PTPRD: variants seen among roughly 807,000 people sequenced by gnomAD.
The protein encoded by PTPRD is protein tyrosine phosphatase receptor type D, also known as receptor-type tyrosine-protein phosphatase delta.
In PTPRD, 34 loss-of-function variants were observed where a neutral mutation model predicts 214.5. The ratio of observed to expected loss-of-function variants is 0.16; its 90% CI spans 0.12 to 0.21. PTPRD has a LOEUF of 0.21. Among genes scored for constraint, PTPRD ranks in the 10% least tolerant of loss-of-function variants. PTPRD has a pLI of 1.00. For synonymous variants in PTPRD, 1,128 were observed against 845.7 expected (o/e 1.33, Z -5.79); for missense variants, 2,545 against 2,398.7 (o/e 1.06, Z -1.27).
At chr9:10,167,343 A>G (rs947247952) in intron 3 of PTPRD, among the ~76,000 whole-genome samples, 1 of 152,132 alleles carries the variant, frequency 6.6e-6, no homozygotes, top group Admixed American at 6.6e-5. Flanking sequence ...ATAAATTATC[A>G]GTAGGTTAAA....
At chr9:10,106,385 C>G (rs1300554591) in intron 3 of PTPRD, among the ~76,000 whole-genome samples, 1 of 151,698 alleles carries the variant, frequency 6.6e-6, no homozygotes, top group African/African-American at 2.4e-5. Context: ...TTATAGTGTA[C>G]CTACTGTATA....
chr9:8,331,806 A>C (rs2131667877), intron 43 of PTPRD, 70 bp from the exon 44 acceptor site: 3 of 1,478,414 alleles, frequency 2.0e-6, no homozygotes, highest in Non-Finnish European at 2.7e-6. Context: ...CATACGGACC[A>C]CAAGAACAAT....
intron 5 of PTPRD, among the ~76,000 whole-genome samples, chr9:9,775,972 A>AAAAAAAAAAAAAAC (rs2098795524): frequency 6.6e-6 from 1 of 150,958 alleles, no homozygotes; most frequent in Non-Finnish European, 1.5e-5. Context: ...AAAAAAAAAA[A>AAAAAAAAAAAAAAC]AAAAAAAGCA....
intron 4 of PTPRD, among the ~76,000 whole-genome samples, chr9:10,012,714 T>A (rs1014725034): frequency 4.7e-4 from 72 of 151,888 alleles, no homozygotes; most frequent in Admixed American, 4.7e-3. Context: ...CAATGCTCAA[T>A]ATTTGGGTCA....
intron 3 of PTPRD, among the ~76,000 whole-genome samples, chr9:10,162,699 A>T (rs1044518212): frequency 6.1e-5 from 9 of 147,230 alleles, no homozygotes; most frequent in Admixed American, 2.7e-4. Flanking sequence ...GTATATATAT[A>T]CATATACACG....
intron 2 of PTPRD, among the ~76,000 whole-genome samples, chr9:10,398,803 C>T (rs2154494669): frequency 6.6e-6 from 1 of 151,958 alleles, no homozygotes; most frequent in Admixed American, 6.6e-5. Context: ...ATAATTATTA[C>T]AACAATTCTA....
chr9:9,755,213 CAGG>C (rs2098556778), intron 6 of PTPRD, among the ~76,000 whole-genome samples: 1 of 151,914 alleles, frequency 6.6e-6, no homozygotes, highest in African/African-American at 2.4e-5. Context: ...TGCAGAAGAT[CAGG>C]AGAAGGAAAT....
At chr9:9,118,989 C>T (rs888495156) in intron 10 of PTPRD, among the ~76,000 whole-genome samples, 4 of 152,052 alleles carry the variant, frequency 2.6e-5, no homozygotes, top group African/African-American at 9.7e-5. Flanking sequence ...CATTATTCAC[C>T]TAAAAATATA....
chr9:9,347,775 G>GTA (rs2049432564), intron 9 of PTPRD, among the ~76,000 whole-genome samples: 1 of 152,158 alleles, frequency 6.6e-6, no homozygotes, highest in Admixed American at 6.6e-5. Context: ...GAAGCAAAGT[G>GTA]TAAGCAGTGT....
chr9:9,960,160 G>T, intron 4 of PTPRD, among the ~76,000 whole-genome samples: 1 of 149,352 alleles, frequency 6.7e-6, no homozygotes, highest in East Asian at 2.0e-4. Context: ...CAGAATGCAA[G>T]GACATATTCA....
chr9:10,244,732 A>G (rs2091785620), intron 3 of PTPRD, among the ~76,000 whole-genome samples: 1 of 152,172 alleles, frequency 6.6e-6, no homozygotes. Flanking sequence ...AAGTTCAAAC[A>G]ATATTTAAAA....
intron 23 of PTPRD, among the ~76,000 whole-genome samples, chr9:8,502,979 T>C (rs888935139): frequency 2.0e-5 from 3 of 151,944 alleles, no homozygotes; most frequent in Non-Finnish European, 4.4e-5. Flanking sequence ...TCTTCTACAA[T>C]ACTATTTATT....
chr9:9,809,826 T>C (rs1338116166), intron 5 of PTPRD, among the ~76,000 whole-genome samples: 1 of 152,206 alleles, frequency 6.6e-6, no homozygotes, highest in African/African-American at 2.4e-5. Context: ...GTGACTTTGA[T>C]ACTGGATATA....
At chr9:8,958,049 C>A (rs912655938) in intron 11 of PTPRD, among the ~76,000 whole-genome samples, 1 of 151,872 alleles carries the variant, frequency 6.6e-6, no homozygotes, top group Admixed American at 6.6e-5. Flanking sequence ...TAATGCTAAT[C>A]ATTTGTTCTG....
At chr9:9,072,532 A>T (rs2099745251) in intron 10 of PTPRD, among the ~76,000 whole-genome samples, 1 of 152,164 alleles carries the variant, frequency 6.6e-6, no homozygotes, top group Non-Finnish European at 1.5e-5. Context: ...AGTGAACTAG[A>T]AATGTACAAG....
At chr9:8,826,413 C>T (rs138898217) in intron 11 of PTPRD, among the ~76,000 whole-genome samples, 8 of 152,258 alleles carry the variant, frequency 5.3e-5, no homozygotes, top group African/African-American at 1.9e-4. Context: ...AGCCATCAGA[C>T]CTCCTGACCA....
intron 8 of PTPRD, among the ~76,000 whole-genome samples, chr9:9,534,355 A>C (rs187791101): frequency 1.4e-4 from 22 of 152,192 alleles, no homozygotes; most frequent in Admixed American, 1.2e-3. Context: ...AATTACCTCC[A>C]TGGCAGCATT....
intron 10 of PTPRD, among the ~76,000 whole-genome samples, chr9:9,100,438 T>C (rs972817944): frequency 6.6e-5 from 10 of 152,144 alleles, no homozygotes; most frequent in Admixed American, 5.2e-4. Flanking sequence ...TTGATTCAAA[T>C]GCTACTGTTT....
intron 12 of PTPRD, among the ~76,000 whole-genome samples, chr9:8,665,798 A>G (rs571880605): frequency 1.4e-4 from 22 of 152,332 alleles, no homozygotes; most frequent in African/African-American, 3.8e-4. Context: ...CAGTTCTTTT[A>G]AAAATTCAAT....
Sources: gnomAD v4.1 joint callset for allele counts (sites outside exome capture counted in the v4.1 genomes callset) on GRCh38, gnomAD v4.1.1 for gene constraint, MANE v1.5 for transcripts, NCBI Gene and HGNC (gene_info 2026-07-23, HGNC 2026-07-21) for gene names.